The following ADAMTS9 variants were observed in gnomAD, a reference collection of about 807,000 sequenced individuals.
ADAMTS9 encodes A disintegrin and metalloproteinase with thrombospondin motifs 9.
In ADAMTS9, 107 loss-of-function variants were observed where a neutral mutation model predicts 257.1. That is an observed-to-expected ratio of 0.42 (90% CI 0.36 to 0.49). The LOEUF is 0.49. Among genes scored for constraint, ADAMTS9 ranks in the 20% least tolerant of loss-of-function variants. The pLI, the probability that ADAMTS9 is intolerant of heterozygous loss-of-function variation, is 0.03. For missense variants in ADAMTS9, 2,353 were observed against 2,469.1 expected, an observed-to-expected ratio of 0.95 and a Z score of 1.00; for synonymous variants, 982 against 880.9, an observed-to-expected ratio of 1.11 and a Z score of -2.03.
At chr3:64,566,789 C>T (rs17071083) in intron 29 of ADAMTS9, among the ~76,000 whole-genome samples, 19,181 of 151,308 alleles carry the variant, frequency 0.13, 1,423 homozygotes, top group East Asian at 0.27. Flanking sequence ...TGAAAGTCCA[C>T]AAGAGACAAG....
At chr3:64,573,096 A>C (rs1000932686) in intron 28 of ADAMTS9, among the ~76,000 whole-genome samples, 7 of 136,394 alleles carry the variant, frequency 5.1e-5, no homozygotes, top group African/African-American at 2.0e-4. Context: ...AAAAAAAAAA[A>C]AAATGGAAAA....
At chr3:64,653,625 T>C (rs1227684500) in intron 8 of ADAMTS9, among the ~76,000 whole-genome samples, 5 of 152,164 alleles carry the variant, frequency 3.3e-5, no homozygotes, top group African/African-American at 9.7e-5. Context: ...TCTATTAATA[T>C]CCTTTCAGAA....
At chr3:64,655,984 T>C (rs1272233253) in intron 4 of ADAMTS9, 109 bp from the exon 5 acceptor site, 4 of 632,636 alleles carry the variant, frequency 6.3e-6, no homozygotes, top group African/African-American at 5.5e-5. Context: ...TTGCAACATA[T>C]GCATTTTGTG....
chr3:64,679,237 A>C (rs1701695698), intron 3 of ADAMTS9, among the ~76,000 whole-genome samples: 1 of 152,184 alleles, frequency 6.6e-6, no homozygotes, highest in African/African-American at 2.4e-5. Context: ...ATGAACCTTG[A>C]AGATTTTTTT....
chr3:64,585,218 T>A (rs146516929), intron 28 of ADAMTS9, among the ~76,000 whole-genome samples: 16 of 152,286 alleles, frequency 1.1e-4, no homozygotes, highest in Admixed American at 1.0e-3. Flanking sequence ...TCTTCCTCTG[T>A]CCTAGCTAAG....
intron 3 of ADAMTS9, among the ~76,000 whole-genome samples, chr3:64,670,160 C>G (rs1488854500): frequency 6.6e-6 from 1 of 152,090 alleles, no homozygotes; most frequent in Non-Finnish European, 1.5e-5. Context: ...CCCTCTGGCT[C>G]TCTCTTTCTC....
intron 12 of ADAMTS9, among the ~76,000 whole-genome samples, chr3:64,639,553 A>C (rs1443072653): frequency 8.3e-6 from 1 of 119,958 alleles, no homozygotes; most frequent in East Asian, 2.4e-4. Flanking sequence ...TCAAGACTTA[A>C]CAAAGTATTA....
At chr3:64,639,047 T>C (rs373566817) in intron 12 of ADAMTS9, among the ~76,000 whole-genome samples, 4 of 152,242 alleles carry the variant, frequency 2.6e-5, no homozygotes, top group Admixed American at 6.5e-5. Context: ...CAACCACTTC[T>C]ACGTTCTACA....
intron 28 of ADAMTS9, among the ~76,000 whole-genome samples, chr3:64,585,521 A>T (rs75636858): frequency 6.6e-6 from 1 of 152,278 alleles, no homozygotes; most frequent in East Asian, 1.9e-4. Flanking sequence ...AATGCATTGA[A>T]TATGCTTTAT....
chr3:64,528,881 T>C (rs1441857324), intron 38 of ADAMTS9, among the ~76,000 whole-genome samples: 1 of 149,848 alleles, frequency 6.7e-6, no homozygotes. Flanking sequence ...CCCACCCCCA[T>C]TTTCCTGGAA....
intron 30 of ADAMTS9, among the ~76,000 whole-genome samples, chr3:64,554,238 C>T (rs1016615644): frequency 3.9e-5 from 6 of 152,156 alleles, no homozygotes; most frequent in Admixed American, 1.3e-4. Flanking sequence ...GAATGGTTAA[C>T]TACTGTAAAG....
Position 64,541,893 on chromosome 3 carries a change from T to A in ADAMTS9, c.5142A>T (p.Leu1714Phe), listed in dbSNP as rs370145122. 6.2e-7 allele frequency: 1 copy of A among 1,614,182 alleles called. No homozygotes were observed. The highest frequency in any genetic ancestry group is 1.1e-5 in the South Asian group (1 of 91,082). Reference sequence around the variant, plus strand: ...CTTCTGGCTTCAGATCAGTGTGGCATAAGTGGCTGGGTTGGTCCTCATTGG... The same window carrying A: ...CTTCTGGCTTCAGATCAGTGTGGCAAAAGTGGCTGGGTTGGTCCTCATTGG... ...CLTNEDQPSH[L>F]CHTDLKPEER... is the part of the protein sequence containing the mutation. The change falls in exon 33 of 40, where the codon TTA (leucine) becomes TTT (phenylalanine). Residue 1714 changes from leucine to phenylalanine, a missense_variant. Physicochemically the swap from Leu to Phe is conservative, Grantham distance 22 (BLOSUM62 0). Around this residue, in one of 3 missense-constraint regions of ADAMTS9, gnomAD observed 1,402 missense variants for 1,441.4 expected, o/e 0.97. Coordinates refer to ENST00000498707, the MANE Select transcript of ADAMTS9 (RefSeq NM_182920.2).
intron 3 of ADAMTS9, among the ~76,000 whole-genome samples, chr3:64,666,391 C>T (rs1411594974): frequency 6.6e-6 from 1 of 152,190 alleles, no homozygotes; most frequent in Non-Finnish European, 1.5e-5. Flanking sequence ...CCTCAAGGCG[C>T]TGGGCTACCT....
chr3:64,544,600 T>C (rs1250878197), intron 32 of ADAMTS9, among the ~76,000 whole-genome samples: 6 of 152,096 alleles, frequency 3.9e-5, no homozygotes, highest in Non-Finnish European at 7.4e-5. Flanking sequence ...TTATATCTGA[T>C]ACAAAAATTA....
intron 39 of ADAMTS9, among the ~76,000 whole-genome samples, 158 bp downstream of exon 39, chr3:64,522,008 T>C (rs143160646): frequency 6.6e-6 from 1 of 152,350 alleles, no homozygotes; most frequent in East Asian, 1.9e-4. Flanking sequence ...TTCAGTCACG[T>C]GAGGACAGAG....
chr3:64,686,592 G>A lies in ADAMTS9; in HGVS notation c.492C>T (p.Ala164=). ...GYVNTNSEHT[A]VISLCSGMLG... is the part of the protein sequence containing the mutation. Reference sequence around the variant, plus strand: ...CCATTCCTGAGCAGAGGCTGATGACGGCCGTGTGCTCGGAGTTGGTATTGA... The same window carrying A: ...CCATTCCTGAGCAGAGGCTGATGACAGCCGTGTGCTCGGAGTTGGTATTGA... Residue 164 remains alanine (A), a synonymous_variant, in exon 2 of 40, where the codon GCC becomes GCT. Transcript: ENST00000498707. The surrounding 1 kb of genome is among the most constrained non-coding windows in gnomAD (Gnocchi z 4.6). The A allele has an allele frequency of 6.2e-7, 1 of 1,612,360 alleles. No individual in the cohort carries two copies. The highest frequency in any genetic ancestry group is 8.5e-7 in the Non-Finnish European group (1 of 1,179,310).
intron 26 of ADAMTS9, among the ~76,000 whole-genome samples, chr3:64,600,155 T>C (rs1008806898): frequency 1.3e-5 from 2 of 148,232 alleles, no homozygotes; most frequent in Non-Finnish European, 3.0e-5. Context: ...CAGAAACCAC[T>C]GAAAAACTTG....
chr3:64,633,226 G>C (rs547241635), intron 14 of ADAMTS9, among the ~76,000 whole-genome samples: 1 of 152,282 alleles, frequency 6.6e-6, no homozygotes, highest in South Asian at 2.1e-4. Context: ...GAGAGGTTTT[G>C]TGCAAGACCC....
At chr3:64,530,823 G>A (rs1461557831) in intron 38 of ADAMTS9, among the ~76,000 whole-genome samples, 3 of 152,100 alleles carry the variant, frequency 2.0e-5, no homozygotes, top group African/African-American at 7.2e-5. Flanking sequence ...AGGCTGCAGT[G>A]CAGTGGCACT....
Sources: gnomAD v4.1 joint callset for allele counts (sites outside exome capture counted in the v4.1 genomes callset) on GRCh38, gnomAD v4.1.1 for gene constraint, gnomAD v4.1.1 regional missense constraint, Gnocchi (gnomAD v3.1) non-coding constraint, MANE v1.5 for transcripts, NCBI Gene and HGNC (gene_info 2026-07-23, HGNC 2026-07-21) for gene names.